LYN: variants seen among roughly 807,000 people sequenced by gnomAD.
LYN encodes tyrosine-protein kinase Lyn.
Under a neutral mutation model 65.0 loss-of-function variants are expected in LYN, and 12 were observed. The ratio of observed to expected loss-of-function variants is 0.18; its 90% confidence interval spans 0.12 to 0.30. LYN has a LOEUF of 0.30. LYN is among the 10% of genes least tolerant of loss of function. The pLI, the probability that LYN is intolerant of heterozygous loss-of-function variation, is 1.00. For synonymous variants in LYN, 222 were observed against 221.2 expected, an observed-to-expected ratio of 1.00 and a Z score of -0.03; for missense variants, 380 against 623.2, an observed-to-expected ratio of 0.61 and a Z score of 4.16.
intron 1 of LYN, among the ~76,000 whole-genome samples, chr8:55,889,680 C>A (rs1441118845): frequency 1.3e-5 from 2 of 152,138 alleles, no homozygotes; most frequent in Non-Finnish European, 2.9e-5. Context: ...GGGTGGGCGA[C>A]TTGCTCAGGA....
intron 1 of LYN, among the ~76,000 whole-genome samples, chr8:55,921,722 C>G (rs1165292749): frequency 6.6e-6 from 1 of 152,102 alleles, no homozygotes; most frequent in Non-Finnish European, 1.5e-5. Flanking sequence ...TTGAGGCCAG[C>G]CTGGGAGAGG....
chr8:55,904,612 C>T (rs1217796757), intron 1 of LYN, among the ~76,000 whole-genome samples: 1 of 151,966 alleles, frequency 6.6e-6, no homozygotes, highest in Admixed American at 6.6e-5. Flanking sequence ...TGGCCAGGTG[C>T]GGTGGCTCAT....
chr8:55,904,714 C>T (rs1805372514), intron 1 of LYN, among the ~76,000 whole-genome samples: 1 of 152,072 alleles, frequency 6.6e-6, no homozygotes, highest in Non-Finnish European at 1.5e-5. Flanking sequence ...TGCACCACTG[C>T]TCTCCAGCCT....
intron 12 of LYN, among the ~76,000 whole-genome samples, chr8:56,001,195 A>T (rs1808500954): frequency 6.6e-6 from 1 of 152,176 alleles, no homozygotes; most frequent in South Asian, 2.1e-4. Flanking sequence ...CAACAGGAGC[A>T]GGAGGCCAGC....
At chr8:56,003,640 C>T (rs1808592977) in intron 12 of LYN, among the ~76,000 whole-genome samples, 1 of 150,916 alleles carries the variant, frequency 6.6e-6, no homozygotes, top group African/African-American at 2.4e-5. Context: ...CGCCACTGCA[C>T]TCCAGCCTGA....
At chr8:55,909,825 A>G (rs1225636739) in intron 1 of LYN, among the ~76,000 whole-genome samples, 2 of 152,046 alleles carry the variant, frequency 1.3e-5, no homozygotes, top group African/African-American at 4.8e-5. Flanking sequence ...ATGAAGTCTC[A>G]TTGTGGTTTT....
chr8:55,961,260 A>G (rs1166088945), intron 8 of LYN, among the ~76,000 whole-genome samples: 1 of 152,214 alleles, frequency 6.6e-6, no homozygotes, highest in African/African-American at 2.4e-5. Context: ...TAACTGTGGC[A>G]AAGTGTCACT....
intron 4 of LYN, among the ~76,000 whole-genome samples, chr8:55,948,444 G>A (rs1806847776): frequency 6.6e-6 from 1 of 152,178 alleles, no homozygotes; most frequent in Non-Finnish European, 1.5e-5. Flanking sequence ...CAGCTGTGTT[G>A]GGAAATTCTC....
intron 10 of LYN, among the ~76,000 whole-genome samples, chr8:55,980,741 T>C (rs2130551170): frequency 6.6e-6 from 1 of 152,328 alleles, no homozygotes; most frequent in Non-Finnish European, 1.5e-5. Flanking sequence ...GACAATTGGA[T>C]GCTTTTAAAA....
intron 1 of LYN, among the ~76,000 whole-genome samples, chr8:55,908,496 CA>C (rs1344597928): frequency 6.6e-6 from 1 of 152,110 alleles, no homozygotes; most frequent in Non-Finnish European, 1.5e-5. Flanking sequence ...CCGCCCACCT[CA>C]GCCTCCCAAA....
intron 1 of LYN, among the ~76,000 whole-genome samples, chr8:55,883,796 A>G (rs1406005148): frequency 6.6e-6 from 1 of 152,170 alleles, no homozygotes; most frequent in Non-Finnish European, 1.5e-5. Flanking sequence ...CAGTATAGAT[A>G]TACATTGCCT....
At chr8:55,883,270 A>G (rs953681750) in intron 1 of LYN, among the ~76,000 whole-genome samples, 37 of 152,230 alleles carry the variant, frequency 2.4e-4, no homozygotes, top group African/African-American at 8.9e-4. Context: ...TCTGTGCTTA[A>G]AAGCAAATAA....
intron 1 of LYN, among the ~76,000 whole-genome samples, chr8:55,885,544 G>T (rs1007006593): frequency 6.6e-6 from 1 of 152,150 alleles, no homozygotes; most frequent in Admixed American, 6.5e-5. Context: ...CTACCCTTGG[G>T]CGCTGGTACA....
intron 10 of LYN, among the ~76,000 whole-genome samples, chr8:55,997,890 C>T (rs965415095): frequency 6.6e-6 from 1 of 152,140 alleles, no homozygotes; most frequent in Non-Finnish European, 1.5e-5. Context: ...CGAGACCATC[C>T]TGGCTAACAT....
chr8:55,944,020 G>T (rs1806702454), intron 2 of LYN, among the ~76,000 whole-genome samples: 1 of 151,110 alleles, frequency 6.6e-6, no homozygotes, highest in Non-Finnish European at 1.5e-5. Context: ...ACCCGGGAGG[G>T]AGAGGTTGCA....
At chr8:55,934,509 C>T (rs1389802295) in intron 1 of LYN, among the ~76,000 whole-genome samples, 3 of 152,140 alleles carry the variant, frequency 2.0e-5, no homozygotes, top group Admixed American at 1.3e-4. Flanking sequence ...ACTGCTGATT[C>T]GAGGGATGTT....
At chr8:56,007,226 G>A (rs539820732) in intron 12 of LYN, among the ~76,000 whole-genome samples, 1 of 152,162 alleles carries the variant, frequency 6.6e-6, no homozygotes, top group Admixed American at 6.5e-5. Flanking sequence ...ATATCATACT[G>A]GATGTTAGTC....
At chr8:55,997,438 A>G (rs1808402326) in intron 10 of LYN, among the ~76,000 whole-genome samples, 1 of 152,148 alleles carries the variant, frequency 6.6e-6, no homozygotes, top group Non-Finnish European at 1.5e-5. Flanking sequence ...GGCAGGTTTC[A>G]TGTCTGATGA....
intron 12 of LYN, among the ~76,000 whole-genome samples, chr8:56,004,411 A>C (rs1238477645): frequency 6.7e-6 from 1 of 149,824 alleles, no homozygotes; most frequent in East Asian, 2.0e-4. Context: ...CTCCTGCCTC[A>C]GCCTCCTGAG....
Sources: allele counts gnomAD v4.1 joint callset (sites outside exome capture counted in the v4.1 genomes callset), GRCh38; gene constraint gnomAD v4.1.1; transcripts MANE v1.5; gene names NCBI Gene and HGNC (gene_info 2026-07-23, HGNC 2026-07-21).